FOXJ3: variants seen among roughly 807,000 people sequenced by gnomAD.
FOXJ3 encodes the protein forkhead box protein J3.
FOXJ3 carries 22 observed loss-of-function variants against 76.1 expected under a neutral mutation model. The observed-to-expected ratio is 0.29, with a 90% confidence interval of 0.21 to 0.41. The LOEUF (loss-of-function observed/expected upper bound fraction) is 0.41. Among genes scored for constraint, FOXJ3 ranks in the 10% least tolerant of loss-of-function variants. The pLI, the probability that FOXJ3 is intolerant of heterozygous loss-of-function variation, is 1.00. For missense variants in FOXJ3, 613 were observed against 762.1 expected (o/e 0.80, Z 2.30); for synonymous variants, 269 against 261.2 (o/e 1.03, Z -0.29).
chr1:42,204,588 T>A (rs1056763103), intron 6 of FOXJ3, among the ~76,000 whole-genome samples: 13 of 152,204 alleles, frequency 8.5e-5, no homozygotes, highest in African/African-American at 2.7e-4. Context: ...CTCACCTAGC[T>A]GGTCACCATT....
intron 2 of FOXJ3, among the ~76,000 whole-genome samples, chr1:42,291,059 T>TAGACAGAC: frequency 7.1e-6 from 1 of 140,902 alleles, no homozygotes; most frequent in Non-Finnish European, 1.5e-5. Context: ...GATAGATAGA[T>TAGACAGAC]AGATAGATAG....
chr1:42,329,994 T>C (rs996034733), intron 1 of FOXJ3, among the ~76,000 whole-genome samples: 1 of 152,202 alleles, frequency 6.6e-6, no homozygotes, highest in Non-Finnish European at 1.5e-5. Context: ...CTATGTTCCC[T>C]TAGTCAAATC....
chr1:42,303,628 C>G (rs1325186387), intron 2 of FOXJ3, among the ~76,000 whole-genome samples: 1 of 151,964 alleles, frequency 6.6e-6, no homozygotes, highest in Non-Finnish European at 1.5e-5. Context: ...CAAATTAGAT[C>G]AATAATAAAA....
At chr1:42,318,739 G>A (rs1337829499) in intron 1 of FOXJ3, among the ~76,000 whole-genome samples, 2 of 152,176 alleles carry the variant, frequency 1.3e-5, no homozygotes, top group East Asian at 3.8e-4. Flanking sequence ...ATGACGTGGA[G>A]AAATTCAAAC....
intron 3 of FOXJ3, among the ~76,000 whole-genome samples, chr1:42,272,885 G>A (rs1051380612): frequency 6.6e-6 from 1 of 152,144 alleles, no homozygotes; most frequent in African/African-American, 2.4e-5. Flanking sequence ...GTTCTCTACT[G>A]CAAGCCACTA....
intron 2 of FOXJ3, among the ~76,000 whole-genome samples, chr1:42,296,588 A>C (rs1388869390): frequency 6.6e-6 from 1 of 152,136 alleles, no homozygotes; most frequent in Non-Finnish European, 1.5e-5. Flanking sequence ...GTTTATTTTC[A>C]TCAACTTTGT....
chr1:42,325,012 T>G (rs1655745479), intron 1 of FOXJ3, among the ~76,000 whole-genome samples: 1 of 152,142 alleles, frequency 6.6e-6, no homozygotes, highest in Non-Finnish European at 1.5e-5. Context: ...GGACCACCAC[T>G]GTATATATAT....
chr1:42,267,949 G>A (rs1215399271), intron 3 of FOXJ3, among the ~76,000 whole-genome samples: 1 of 151,648 alleles, frequency 6.6e-6, no homozygotes, highest in Non-Finnish European at 1.5e-5. Flanking sequence ...TTCACAAAGA[G>A]CAAAACAAAA....
intron 7 of FOXJ3, among the ~76,000 whole-genome samples, chr1:42,196,504 C>T (rs1646654245): frequency 6.6e-6 from 1 of 152,124 alleles, no homozygotes; most frequent in South Asian, 2.1e-4. Flanking sequence ...ACCAGCCTGG[C>T]CAACATGGTG....
chr1:42,289,546 T>C (rs1353856557), intron 2 of FOXJ3, among the ~76,000 whole-genome samples: 1 of 152,146 alleles, frequency 6.6e-6, no homozygotes, highest in Non-Finnish European at 1.5e-5. Flanking sequence ...GTACAACATA[T>C]ACAAATACAA....
At chr1:42,205,688 C>T in intron 6 of FOXJ3, 74 bp downstream of exon 6, 1 of 854,132 alleles carries the variant, frequency 1.2e-6, no homozygotes, top group East Asian at 2.5e-5. Context: ...ATATAGGATT[C>T]TATCATTATT....
intron 2 of FOXJ3, among the ~76,000 whole-genome samples, chr1:42,302,495 AG>A (rs1654214692): frequency 6.6e-6 from 1 of 152,234 alleles, no homozygotes; most frequent in African/African-American, 2.4e-5. Context: ...CACAAGCACC[AG>A]GTATGGGGGG....
chr1:42,259,831 C>T (rs891478666), intron 4 of FOXJ3, among the ~76,000 whole-genome samples: 3 of 152,216 alleles, frequency 2.0e-5, no homozygotes, highest in African/African-American at 7.2e-5. Flanking sequence ...CTCAGCTAAA[C>T]TTGATCATAT....
rs114702038 is a variant in FOXJ3 at position 42,278,847 on chromosome 1, A to G, written c.45-175T>C. On this transcript the variant is annotated intron_variant, in intron 2 of 12. Coordinates refer to ENST00000361346, the MANE Select transcript of FOXJ3 (RefSeq NM_014947.5). ...AAATATTTAAGGGATCAACATTCCA[A>G]TCTTTTTTCTTAATTTTTTCCTCAC... is the stretch of plus-strand genomic sequence containing the variant. Among the ~76,000 whole-genome samples the G allele has an allele frequency of 4.1e-3, 628 of 152,346 alleles. 3 individuals carry two copies. Among genetic ancestry groups the G allele is most frequent in the African/African-American group, 0.014 (585 of 41,576 alleles).
chr1:42,286,348 C>T (rs1653053211), intron 2 of FOXJ3, among the ~76,000 whole-genome samples: 1 of 152,160 alleles, frequency 6.6e-6, no homozygotes, highest in African/African-American at 2.4e-5. Flanking sequence ...TGGGAAAAGA[C>T]ATGGCTTTGT....
At chr1:42,321,147 C>T (rs1655405742) in intron 1 of FOXJ3, among the ~76,000 whole-genome samples, 3 of 152,214 alleles carry the variant, frequency 2.0e-5, no homozygotes, top group Admixed American at 2.0e-4. Context: ...CATTTATATC[C>T]CATTCCTGGA....
intron 4 of FOXJ3, among the ~76,000 whole-genome samples, chr1:42,240,550 A>T (rs1388716818): frequency 6.6e-6 from 1 of 152,236 alleles, no homozygotes; most frequent in Non-Finnish European, 1.5e-5. Flanking sequence ...TCTAGAAGTA[A>T]ATCCATGTAT....
Position 42,304,673 on chromosome 1 carries a change from G to A in FOXJ3, c.44+6377C>T, listed in dbSNP as rs556251463. 2.6e-4 allele frequency among the ~76,000 whole-genome samples: 39 copies of A among 152,264 alleles called. 1 individual carries two copies. In the South Asian group the frequency reaches 8.1e-3, roughly 32 times the overall value. On this transcript the variant is annotated intron_variant, in intron 2 of 12. Coordinates refer to ENST00000361346, the MANE Select transcript of FOXJ3 (RefSeq NM_014947.5). The stretch of plus-strand genomic sequence containing the variant: ...AGGACAGTCTCTTCAACAAGGTGCT[G>A]GGAAAACTGGATAACCACATGCAGA...
intron 8 of FOXJ3, 78 bp downstream of exon 8, chr1:42,194,812 A>G: frequency 2.2e-6 from 2 of 901,226 alleles, no homozygotes; most frequent in South Asian, 3.4e-5. Context: ...TTAAGAGTAT[A>G]ACAGCTGCCA....
Sources: allele counts gnomAD v4.1 joint callset (sites outside exome capture counted in the v4.1 genomes callset), GRCh38; gene constraint gnomAD v4.1.1; transcripts MANE v1.5; gene names NCBI Gene and HGNC (gene_info 2026-07-23, HGNC 2026-07-21).